DOCK7: variants seen among roughly 807,000 people sequenced by gnomAD.
DOCK7 encodes dedicator of cytokinesis protein 7.
In DOCK7, 138 loss-of-function variants were observed where a neutral mutation model predicts 271.0. The observed-to-expected ratio is 0.51, with a 90% confidence interval of 0.44 to 0.59. DOCK7 has a LOEUF of 0.59. Among genes scored for constraint, DOCK7 ranks in the 20% least tolerant of loss-of-function variants. The pLI, the probability that DOCK7 is intolerant of heterozygous loss-of-function variation, is 0.00. For missense variants in DOCK7, 2,066 were observed against 2,592.4 expected, an observed-to-expected ratio of 0.80 and a Z score of 4.41; for synonymous variants, 823 against 876.1, an observed-to-expected ratio of 0.94 and a Z score of 1.07.
intron 42 of DOCK7, 167 bp downstream of exon 42, chr1:62,488,767 T>G: frequency 1.2e-6 from 1 of 841,024 alleles, no homozygotes. Flanking sequence ...TCATTTTTAT[T>G]GTTAATGAGC....
At chr1:62,601,279 A>T (rs1208936597) in intron 14 of DOCK7, 1 of 968,398 alleles carries the variant, frequency 1.0e-6, no homozygotes, top group East Asian at 2.5e-5. Flanking sequence ...ACTAAAAGAT[A>T]GTTAAGAGAT....
At chr1:62,536,029 T>A (rs910930262) in intron 28 of DOCK7, among the ~76,000 whole-genome samples, 1 of 152,278 alleles carries the variant, frequency 6.6e-6, no homozygotes, top group African/African-American at 2.4e-5. Flanking sequence ...GCTATTGGTT[T>A]CCAGAGAAAT....
At chr1:62,676,663 A>G (rs1468283296) in intron 1 of DOCK7, among the ~76,000 whole-genome samples, 1 of 152,214 alleles carries the variant, frequency 6.6e-6, no homozygotes, top group African/African-American at 2.4e-5. Flanking sequence ...TGCAGTCACT[A>G]AGAAAATTTT....
In DOCK7 at chr1:62,474,057, G is replaced by C. The variant is rs1645905079; in HGVS notation, c.6137C>G (p.Ser2046Cys). The C allele has an allele frequency of 6.2e-7, 1 of 1,613,876 alleles. No homozygotes were observed. The highest frequency in any genetic ancestry group is 8.5e-7 in the Non-Finnish European group (1 of 1,179,882). ...GPLEVAQVFL[S>C]EIPSDPKLFR... ...GAGCTTTGGGTCACTAGGTATTTCA[G>C]ACAGAAAAACCTGGGCAACTTCCAA... The change falls in exon 48 of 50, where the codon TCT (serine) becomes TGT (cysteine). Residue 2046 changes from serine to cysteine, a missense_variant. By Grantham distance (112) the Ser-to-Cys change is moderately radical. This residue lies in a region of DOCK7 where 652 missense variants were observed against 922.1 expected (regional missense o/e 0.71). Coordinates refer to ENST00000635253, the MANE Select transcript of DOCK7 (RefSeq NM_001367561.1).
intron 31 of DOCK7, chr1:62,516,938 T>C (rs988090043): frequency 1.3e-5 from 2 of 152,446 alleles, no homozygotes; most frequent in African/African-American, 4.8e-5. Flanking sequence ...AGAACACATG[T>C]ATCTTTGTCA....
intron 16 of DOCK7, among the ~76,000 whole-genome samples, chr1:62,581,859 C>G (rs182003770): frequency 1.1e-3 from 164 of 152,158 alleles, no homozygotes; most frequent in African/African-American, 3.6e-3. Flanking sequence ...ACATACTATA[C>G]AACAGCACCA....
intron 1 of DOCK7, among the ~76,000 whole-genome samples, chr1:62,679,578 T>C (rs1306251506): frequency 6.6e-6 from 1 of 152,028 alleles, no homozygotes; most frequent in Non-Finnish European, 1.5e-5. Flanking sequence ...AAAATGAAAA[T>C]TAAAACTTAC....
intron 48 of DOCK7, among the ~76,000 whole-genome samples, chr1:62,471,967 T>C (rs1645842555): frequency 6.6e-6 from 1 of 152,198 alleles, no homozygotes. Context: ...GTAAAATACA[T>C]ATGCATAAAG....
intron 18 of DOCK7, among the ~76,000 whole-genome samples, chr1:62,573,018 CTACA>C (rs1290622059): frequency 2.0e-5 from 3 of 152,124 alleles, no homozygotes; most frequent in African/African-American, 7.2e-5. Context: ...ACACAATTAC[CTACA>C]TACAGAGTTG....
chr1:62,641,715 C>G (rs974336106), intron 7 of DOCK7: 4 of 317,040 alleles, frequency 1.3e-5, no homozygotes, highest in Non-Finnish European at 2.5e-5. Context: ...GGCCTTCCCC[C>G]TCCCAACTTT....
At position 62,614,368 on chromosome 1, in the gene DOCK7, A is replaced by G. The variant is rs1652183562; in HGVS notation, c.1682+4338T>C. Among the ~76,000 whole-genome samples the G allele has an allele frequency of 3.3e-5, 5 of 152,166 alleles. No individual in the cohort carries two copies. The South Asian group carries it at 1.0e-3, about 32-fold the overall frequency. On this transcript the variant is annotated intron_variant, in intron 14 of 49. Coordinates refer to ENST00000635253, the MANE Select transcript of DOCK7 (RefSeq NM_001367561.1). ...AAATAAACTATCAGTTCCTAAACAT[A>G]TAAGCTGTCCATAAGGCCAAGTTTT...
intron 21 of DOCK7, among the ~76,000 whole-genome samples, chr1:62,554,204 G>A (rs1261848285): frequency 1.3e-5 from 2 of 152,124 alleles, no homozygotes; most frequent in Non-Finnish European, 2.9e-5. Flanking sequence ...TGGGCGTGGT[G>A]GCTCACGCCT....
At chr1:62,584,708 C>A in intron 15 of DOCK7, 1 of 1,195,748 alleles carries the variant, frequency 8.4e-7, no homozygotes, top group South Asian at 1.4e-5. Context: ...AAGATATAGA[C>A]ATGAGTAAGA....
chr1:62,685,681 A>C (rs1471175691), intron 1 of DOCK7, among the ~76,000 whole-genome samples: 2 of 152,144 alleles, frequency 1.3e-5, no homozygotes, highest in Non-Finnish European at 2.9e-5. Context: ...CTCAAAATTA[A>C]CATGTCCAAA....
intron 7 of DOCK7, among the ~76,000 whole-genome samples, chr1:62,639,692 G>T (rs904017042): frequency 3.3e-5 from 5 of 151,660 alleles, no homozygotes; most frequent in Non-Finnish European, 5.9e-5. Flanking sequence ...GCCTCCCAAA[G>T]TGCTGGGATT....
chr1:62,629,039 T>C (rs1654291857), intron 11 of DOCK7: 2 of 152,216 alleles, frequency 1.3e-5, no homozygotes, highest in Admixed American at 1.3e-4. Flanking sequence ...TGAGTACCAC[T>C]TCACTTGCAC....
intron 14 of DOCK7, among the ~76,000 whole-genome samples, chr1:62,598,329 T>C (rs767898198): frequency 1.8e-4 from 28 of 152,046 alleles, no homozygotes; most frequent in Non-Finnish European, 3.2e-4. Context: ...GAACACTATG[T>C]CATTACACTA....
intron 7 of DOCK7, 42 bp downstream of exon 7, chr1:62,647,649 C>T (rs568974404): frequency 1.8e-5 from 25 of 1,415,178 alleles, no homozygotes; most frequent in South Asian, 1.5e-4. Flanking sequence ...AAAATTTTAT[C>T]CTGGAAAATA....
At chr1:62,536,934 A>G (rs1424264904) in intron 28 of DOCK7, among the ~76,000 whole-genome samples, 1 of 152,204 alleles carries the variant, frequency 6.6e-6, no homozygotes, top group African/African-American at 2.4e-5. Flanking sequence ...AACTGCTACA[A>G]TAACACTTTT....
Sources: allele counts gnomAD v4.1 joint callset (sites outside exome capture counted in the v4.1 genomes callset), GRCh38; gene constraint gnomAD v4.1.1; regional missense constraint gnomAD v4.1.1; transcripts MANE v1.5; gene names NCBI Gene and HGNC (gene_info 2026-07-23, HGNC 2026-07-21).